Variants in MYH15 observed in about 807,000 individuals in gnomAD.
The protein encoded by MYH15 is myosin-15.
Under a neutral mutation model 240.5 loss-of-function variants are expected in MYH15, and 227 were observed. The ratio of observed to expected loss-of-function variants is 0.94; its 90% CI spans 0.85 to 1.05. The LOEUF is 1.05. MYH15 is among the 50% of genes least tolerant of loss of function. MYH15 has a pLI of 0.00. For missense variants in MYH15, 2,217 were observed against 2,247.5 expected (o/e 0.99, Z 0.27); for synonymous variants, 785 against 796.7 (o/e 0.99, Z 0.25).
At chr3:108,415,838 A>C (rs1182080977) in intron 29 of MYH15, among the ~76,000 whole-genome samples, 1 of 152,202 alleles carries the variant, frequency 6.6e-6, no homozygotes, top group East Asian at 1.9e-4. Flanking sequence ...AGGTCACAGA[A>C]GGAGGCTGGA....
At chr3:108,469,352 T>C (rs1198109738) in intron 14 of MYH15, among the ~76,000 whole-genome samples, 1 of 152,320 alleles carries the variant, frequency 6.6e-6, no homozygotes, top group East Asian at 1.9e-4. Flanking sequence ...GGCATGTAAC[T>C]GCTAACATGC....
At chr3:108,443,090 G>A (rs995840835) in intron 22 of MYH15, among the ~76,000 whole-genome samples, 3 of 152,126 alleles carry the variant, frequency 2.0e-5, no homozygotes, top group African/African-American at 7.2e-5. Flanking sequence ...TAGAAACTGG[G>A]AGGCGAGGTC....
upstream of MYH15, among the ~76,000 whole-genome samples, chr3:108,530,833 AGAT>A (rs2083706292): frequency 6.6e-6 from 1 of 152,230 alleles, no homozygotes; most frequent in Non-Finnish European, 1.5e-5. Context: ...GAAATGATAT[AGAT>A]GATGGAATGA....
At chr3:108,512,657 C>G (rs1176924916), upstream of MYH15, among the ~76,000 whole-genome samples, 1 of 152,156 alleles carries the variant, frequency 6.6e-6, no homozygotes, top group African/African-American at 2.4e-5. Flanking sequence ...CCATTCTAGT[C>G]TGTCAATGTG....
intron 7 of MYH15, among the ~76,000 whole-genome samples, chr3:108,495,188 C>A (rs2083381187): frequency 6.6e-6 from 1 of 152,206 alleles, no homozygotes; most frequent in Non-Finnish European, 1.5e-5. Flanking sequence ...CTCCCTGCCA[C>A]TGATTCTTGG....
intron 27 of MYH15, among the ~76,000 whole-genome samples, chr3:108,426,588 C>T (rs188598701): frequency 6.6e-6 from 1 of 152,344 alleles, no homozygotes; most frequent in East Asian, 1.9e-4. Flanking sequence ...GATATGGAAG[C>T]ATAGCTCTTC....
chr3:108,431,744 A>C (rs1208337976), intron 25 of MYH15, among the ~76,000 whole-genome samples: 5 of 152,218 alleles, frequency 3.3e-5, no homozygotes, highest in African/African-American at 7.2e-5. Context: ...TGGAGGGCTC[A>C]GAAGAAGAAA....
chr3:108,544,890 T>A, the MYH15 span, among the ~76,000 whole-genome samples: 16 of 152,260 alleles, frequency 1.1e-4, 1 homozygote, highest in Admixed American at 6.5e-4. Flanking sequence ...TAACATAGAT[T>A]AGGAAAACTT....
At chr3:108,420,927 A>G (rs982491882) in intron 28 of MYH15, among the ~76,000 whole-genome samples, 161 bp downstream of exon 28, 18 of 152,088 alleles carry the variant, frequency 1.2e-4, no homozygotes, top group Admixed American at 1.2e-3. Flanking sequence ...TTCCTAGACA[A>G]GAGGCATGTG....
rs185502116 is a variant in MYH15, at chr3:108,404,194, A to G, written c.4736+1144T>C. On this transcript the variant is annotated intron_variant, in intron 33 of 40. Transcript: ENST00000693548. ...AGTGAGTGAGAGCAAAGATAACTCA[A>G]AGCACATAGAAGGCCAAATTTGGCT... Among the ~76,000 whole-genome samples the G allele has an allele frequency of 2.0e-5, 3 of 152,294 alleles. No individual in the cohort carries two copies. The East Asian group carries it at 5.8e-4, about 29-fold the overall frequency.
intron 31 of MYH15, 63 bp downstream of exon 31, chr3:108,410,520 T>C: frequency 8.3e-7 from 1 of 1,209,660 alleles, no homozygotes; most frequent in Non-Finnish European, 1.1e-6. Context: ...CAGCCTTGCC[T>C]GTAGCCAGGG....
the MYH15 span, among the ~76,000 whole-genome samples, chr3:108,546,313 A>C: frequency 6.6e-6 from 1 of 152,178 alleles, no homozygotes; most frequent in Non-Finnish European, 1.5e-5. Context: ...AGTTTGAGAA[A>C]AGCATAACAC....
chr3:108,546,407 TGGAG>T, the MYH15 span, among the ~76,000 whole-genome samples: 7 of 152,194 alleles, frequency 4.6e-5, no homozygotes, highest in Admixed American at 3.3e-4. Flanking sequence ...GATAATGTAA[TGGAG>T]AGGCAAAATC....
At chr3:108,455,686 G>GT in intron 20 of MYH15, 50 bp downstream of exon 20, 3 of 1,592,560 alleles carry the variant, frequency 1.9e-6, no homozygotes, top group Non-Finnish European at 1.7e-6. Context: ...AAGATACACA[G>GT]TCTTCCCCCC....
chr3:108,531,776 C>CTAAATAAATAAA (rs71103476), upstream of MYH15, among the ~76,000 whole-genome samples: 7,651 of 148,176 alleles, frequency 0.052, 463 homozygotes, highest in East Asian at 0.31. Flanking sequence ...GACCCCATCT[C>CTAAATAAATAAA]TAAATAAATA....
intron 37 of MYH15, 113 bp from the exon 38 acceptor site, chr3:108,389,187 C>CTGTTTT: frequency 1.1e-6 from 1 of 869,862 alleles, no homozygotes; most frequent in Non-Finnish European, 1.8e-6. Flanking sequence ...CATGCACACA[C>CTGTTTT]TGTTTTTGGT....
intron 38 of MYH15, among the ~76,000 whole-genome samples, chr3:108,387,413 A>G (rs1344595292): frequency 6.6e-6 from 1 of 152,210 alleles, no homozygotes; most frequent in Non-Finnish European, 1.5e-5. Context: ...AGACACTTGG[A>G]AGAAATTAAT....
At chr3:108,485,744 A>G (rs960135745) in intron 10 of MYH15, among the ~76,000 whole-genome samples, 3 of 152,204 alleles carry the variant, frequency 2.0e-5, no homozygotes, top group African/African-American at 7.2e-5. Context: ...CCCAGGAGGG[A>G]AAAAATTGGT....
At chr3:108,398,870 A>G (rs917010815) in intron 34 of MYH15, 30 bp from the exon 35 acceptor site, 1 of 1,605,252 alleles carries the variant, frequency 6.2e-7, no homozygotes, top group Admixed American at 1.7e-5. Flanking sequence ...TCTGGAGTAC[A>G]GATCCCTCTG....
Sources: allele counts gnomAD v4.1 joint callset (sites outside exome capture counted in the v4.1 genomes callset), GRCh38; gene constraint gnomAD v4.1.1; transcripts MANE v1.5; gene names NCBI Gene and HGNC (gene_info 2026-07-23, HGNC 2026-07-21).